CASZ1: variants seen among roughly 807,000 people sequenced by gnomAD.
CASZ1 encodes castor zinc finger 1, also known as zinc finger protein castor homolog 1.
CASZ1 carries 28 observed loss-of-function variants against 135.2 expected under a neutral mutation model. The observed-to-expected ratio is 0.21, with a 90% CI of 0.15 to 0.28. CASZ1 has a LOEUF of 0.28. Ranked by LOEUF, CASZ1 falls within the 10% of genes least tolerant of loss-of-function variation. CASZ1 has a pLI of 1.00. For missense variants in CASZ1, 2,161 were observed against 2,453.3 expected, an observed-to-expected ratio of 0.88 and a Z score of 2.52; for synonymous variants, 1,068 against 1,073.4, an observed-to-expected ratio of 0.99 and a Z score of 0.10.
chr1:10,742,105 G>C (rs540552458), intron 2 of CASZ1, among the ~76,000 whole-genome samples: 27 of 152,072 alleles, frequency 1.8e-4, no homozygotes, highest in Non-Finnish European at 3.4e-4. Flanking sequence ...CCCATGACAT[G>C]AACGTGATGT....
chr1:10,781,196 C>G (rs1640756833), intron 1 of CASZ1, among the ~76,000 whole-genome samples: 1 of 152,246 alleles, frequency 6.6e-6, no homozygotes, highest in South Asian at 2.1e-4. Context: ...GAAGCTCCTC[C>G]TTCGACCTTC....
chr1:10,659,934 C>T lies in CASZ1; in HGVS notation c.1108G>A (p.Val370Met). The change falls in exon 6 of 21, where the codon GTG becomes ATG. Residue 370 changes from valine (V) to methionine (M), a missense_variant. Transcript: ENST00000377022. The part of the protein sequence containing the change: ...GGAIAFKTGK[V>M]GRPSKYDVRG... Reference sequence around the variant, plus strand: ...ACGTCGTACTTGGAAGGGCGCCCCACCTTGCCTGTCTTGAAGGCGATGGCC... The same window carrying T: ...ACGTCGTACTTGGAAGGGCGCCCCATCTTGCCTGTCTTGAAGGCGATGGCC... 6.2e-7 allele frequency: 1 copy of T among 1,612,502 alleles called. No homozygotes were observed. The highest frequency in any genetic ancestry group is 8.5e-7 in the Non-Finnish European group (1 of 1,179,906).
intron 1 of CASZ1, among the ~76,000 whole-genome samples, chr1:10,795,077 T>A (rs1237250540): frequency 2.0e-5 from 3 of 152,124 alleles, no homozygotes; most frequent in African/African-American, 7.2e-5. Context: ...GGCCATCAGC[T>A]GCACATTCTG....
At chr1:10,684,348 G>A (rs1034966965) in intron 4 of CASZ1, among the ~76,000 whole-genome samples, 1 of 152,190 alleles carries the variant, frequency 6.6e-6, no homozygotes, top group Non-Finnish European at 1.5e-5. Context: ...GCTCTGCCAT[G>A]CCTTGGAGGG....
At position 10,639,793 on chromosome 1, in the gene CASZ1, G is replaced by T; in HGVS notation, c.4429C>A (p.His1477Asn). The T allele has an allele frequency of 6.2e-7, 1 of 1,606,906 alleles. No individual in the cohort carries two copies. Among genetic ancestry groups the T allele is most frequent in the Non-Finnish European group, 8.5e-7 (1 of 1,177,112 alleles). ...KFCGRTHMYKHAQHHDRVDNL... is the reference protein window; with the variant it reads ...KFCGRTHMYKNAQHHDRVDNL... The stretch of plus-strand genomic sequence containing the variant: ...TCCACGCGGTCGTGGTGCTGCGCGT[G>T]CTTGTACATGTGCGTGCGCCCGCAG... Residue 1477 changes from histidine (H) to asparagine (N), a missense_variant, in exon 21 of 21, where the codon CAC becomes AAC. By Grantham distance (68) the His-to-Asn change is moderately conservative. Transcript: ENST00000377022. This position sits in a 1 kb window ranked among gnomAD's most constrained non-coding sequence, Gnocchi z 4.0.
intron 1 of CASZ1, among the ~76,000 whole-genome samples, chr1:10,763,069 C>T (rs909414700): frequency 1.3e-5 from 2 of 152,240 alleles, no homozygotes; most frequent in Non-Finnish European, 2.9e-5. Flanking sequence ...CCTGCCAGGG[C>T]GTGGCCTTGC....
chr1:10,678,994 G>T (rs758946920), intron 4 of CASZ1, among the ~76,000 whole-genome samples: 1 of 152,018 alleles, frequency 6.6e-6, no homozygotes, highest in Non-Finnish European at 1.5e-5. Context: ...CCGTCTGCCC[G>T]CCCGCTGTGA....
intron 1 of CASZ1, among the ~76,000 whole-genome samples, chr1:10,771,172 G>A (rs949529410): frequency 6.6e-6 from 1 of 152,028 alleles, no homozygotes; most frequent in Non-Finnish European, 1.5e-5. Flanking sequence ...CTGGGGGTGC[G>A]GGACAGGGAG....
Position 10,734,118 on chromosome 1 carries a change from G to A in CASZ1, c.-77+26583C>T, listed in dbSNP as rs562721184. 3.0e-3 allele frequency among the ~76,000 whole-genome samples: 456 copies of A among 152,204 alleles called. 11 individuals are homozygous for A. The highest frequency in any genetic ancestry group is 1.3e-3 in the Non-Finnish European group (88 of 68,008). On this transcript the variant is annotated intron_variant, in intron 2 of 20. Transcript: ENST00000377022. The stretch of plus-strand genomic sequence containing the variant: ...TCAAAGTACAACAGCACACATGGGT[G>A]GGAGGGGACAACCCCAGGGCCTGCC...
At position 10,756,426 on chromosome 1, in the gene CASZ1, C is replaced by G. The variant is rs952242364; in HGVS notation, c.-77+4275G>C. ...CATATGGCTGGGAATACGTTGCCAG[C>G]AAGGGCAAGTGCTCACGCGAGCCCG... On this transcript the variant is annotated intron_variant, in intron 2 of 20. Transcript: ENST00000377022. This position sits in a 1 kb window ranked among gnomAD's most constrained non-coding sequence, Gnocchi z 5.9. 1.3e-5 allele frequency among the ~76,000 whole-genome samples: 2 copies of G among 152,226 alleles called. No homozygotes were observed. Among genetic ancestry groups the G allele is most frequent in the African/African-American group, 4.8e-5 (2 of 41,462 alleles).
intron 1 of CASZ1, among the ~76,000 whole-genome samples, chr1:10,786,762 G>C (rs1640867629): frequency 6.6e-6 from 1 of 152,176 alleles, no homozygotes; most frequent in Non-Finnish European, 1.5e-5. Context: ...AAATGAACCT[G>C]TTGGCTCCAG....
At chr1:10,688,813 G>A (rs1192347665) in intron 4 of CASZ1, among the ~76,000 whole-genome samples, 2 of 151,980 alleles carry the variant, frequency 1.3e-5, no homozygotes, top group East Asian at 1.9e-4. Context: ...TGGTCCCGGC[G>A]AGGCTGCCCC....
intron 1 of CASZ1, among the ~76,000 whole-genome samples, chr1:10,763,469 C>T (rs950613407): frequency 1.3e-5 from 2 of 152,130 alleles, no homozygotes; most frequent in African/African-American, 4.8e-5. Flanking sequence ...GGACAAGAGG[C>T]GTGAAAGGGT....
At chr1:10,644,123 G>T (rs1642292215) in intron 18 of CASZ1, among the ~76,000 whole-genome samples, 1 of 151,844 alleles carries the variant, frequency 6.6e-6, no homozygotes, top group Non-Finnish European at 1.5e-5. Context: ...CACCCCTGCT[G>T]CCCTGACCAC....
rs1406300893 is a variant in CASZ1 at position 10,735,027 on chromosome 1, G to A, written c.-77+25674C>T. ...CTCAACTCCCCGCCCCATGACCAAC[G>A]GGACCCTGGGAGGACGCAAGGGAGC... On this transcript the variant is annotated intron_variant, in intron 2 of 20. Coordinates refer to ENST00000377022, the MANE Select transcript of CASZ1 (RefSeq NM_001079843.3). The surrounding 1 kb of genome is among the most constrained non-coding windows in gnomAD (Gnocchi z 5.1). 6.6e-6 allele frequency among the ~76,000 whole-genome samples: 1 copy of A among 152,046 alleles called. No individual in the cohort carries two copies. Among genetic ancestry groups the A allele is most frequent in the Non-Finnish European group, 1.5e-5 (1 of 68,002 alleles).
chr1:10,773,321 C>T (rs1434551915), intron 1 of CASZ1, among the ~76,000 whole-genome samples: 3 of 147,878 alleles, frequency 2.0e-5, no homozygotes, highest in South Asian at 2.3e-4. Flanking sequence ...TAGGCAGCCT[C>T]GGATCTTCAG....
rs147314317 is a variant in CASZ1 at position 10,650,659 on chromosome 1, G to A, written c.2880+33C>T. 3,613 of 1,577,322 alleles carry A rather than the reference G, an allele frequency of 2.3e-3. 2 individuals are homozygous for A. Among genetic ancestry groups the A allele is most frequent in the Non-Finnish European group, 2.8e-3 (3,205 of 1,146,528 alleles). On this transcript the variant is annotated intron_variant, in intron 13 of 20. Coordinates refer to ENST00000377022, the MANE Select transcript of CASZ1 (RefSeq NM_001079843.3). ...GCACAGCTTTAATTTCTCTGGGTGG[G>A]GGAACGGGAGGCGTGTGATGGATGG...
intron 6 of CASZ1, among the ~76,000 whole-genome samples, chr1:10,659,147 C>T (rs907194959): frequency 5.9e-5 from 9 of 152,198 alleles, no homozygotes; most frequent in African/African-American, 1.2e-4. Context: ...CACCTAACCC[C>T]GGTCACTACC....
chr1:10,737,007 G>T (rs1409338501), intron 2 of CASZ1, among the ~76,000 whole-genome samples: 2 of 152,226 alleles, frequency 1.3e-5, no homozygotes. Flanking sequence ...CAGAGAGGGG[G>T]AGAAGGAAGG....
Sources: allele counts gnomAD v4.1 joint callset (sites outside exome capture counted in the v4.1 genomes callset), GRCh38; gene constraint gnomAD v4.1.1; non-coding constraint Gnocchi (gnomAD v3.1); transcripts MANE v1.5; gene names NCBI Gene and HGNC (gene_info 2026-07-23, HGNC 2026-07-21).